FER: variants seen among roughly 807,000 people sequenced by gnomAD.
FER encodes the protein FER tyrosine kinase.
A neutral mutation model predicts 111.0 loss-of-function variants in FER; 63 were observed. That is an observed-to-expected ratio of 0.57 (90% CI 0.46 to 0.70). The LOEUF (loss-of-function observed/expected upper bound fraction) is 0.70, where lower values mean the gene tolerates loss of function less well. Ranked by LOEUF, FER falls within the 30% of genes least tolerant of loss-of-function variation. The probability of loss-of-function intolerance (pLI) is 0.00; values close to 1 mark genes in which losing one functional copy is unlikely to be tolerated. For synonymous variants in FER, 327 were observed against 313.9 expected (o/e 1.04, Z -0.44); for missense variants, 914 against 954.0 (o/e 0.96, Z 0.55).
intron 17 of FER, among the ~76,000 whole-genome samples, chr5:109,115,263 G>A (rs1249831658): frequency 1.3e-5 from 2 of 152,074 alleles, no homozygotes; most frequent in Non-Finnish European, 2.9e-5. Context: ...AACTATAGTA[G>A]TGATAGGAAA....
chr5:109,126,262 T>G (rs1751704309), intron 17 of FER, among the ~76,000 whole-genome samples: 1 of 152,204 alleles, frequency 6.6e-6, no homozygotes, highest in Non-Finnish European at 1.5e-5. Flanking sequence ...CCATTTTAAG[T>G]GCACACGGAG....
At chr5:109,000,226 T>C (rs942722302) in intron 13 of FER, among the ~76,000 whole-genome samples, 3 of 151,838 alleles carry the variant, frequency 2.0e-5, no homozygotes, top group Non-Finnish European at 4.4e-5. Flanking sequence ...TATATTAAAA[T>C]GTAAAACGTG....
intron 16 of FER, among the ~76,000 whole-genome samples, chr5:109,060,946 A>G (rs1774339270): frequency 6.6e-6 from 1 of 152,134 alleles, no homozygotes; most frequent in South Asian, 2.1e-4. Flanking sequence ...GCTATAATCC[A>G]GCCAGAACTT....
chr5:109,113,831 G>A (rs2126430331), intron 17 of FER, among the ~76,000 whole-genome samples: 1 of 152,078 alleles, frequency 6.6e-6, no homozygotes, highest in South Asian at 2.1e-4. Context: ...ATATTTAGTG[G>A]AAAAAGTAAA....
intron 13 of FER, among the ~76,000 whole-genome samples, chr5:109,024,472 CT>C (rs1768383448): frequency 1.3e-5 from 2 of 152,150 alleles, no homozygotes; most frequent in African/African-American, 4.8e-5. Context: ...TTCACTTCAA[CT>C]CACAGGCAGG....
chr5:109,017,354 A>G (rs1162305019), intron 13 of FER, among the ~76,000 whole-genome samples: 1 of 152,042 alleles, frequency 6.6e-6, no homozygotes, highest in Non-Finnish European at 1.5e-5. Context: ...ATTTTATTTC[A>G]TACATTACAA....
chr5:109,132,206 C>G (rs775180827), intron 17 of FER, among the ~76,000 whole-genome samples: 8 of 151,998 alleles, frequency 5.3e-5, no homozygotes, highest in Non-Finnish European at 1.0e-4. Context: ...AATAGGCAAC[C>G]GGTACTAAGC....
intron 9 of FER, 96 bp from the exon 10 acceptor site, chr5:108,897,562 TA>T (rs1749332258): frequency 2.2e-6 from 2 of 914,866 alleles, no homozygotes; most frequent in Non-Finnish European, 3.0e-6. Flanking sequence ...AGGGCTCTTA[TA>T]AAAATGAAAT....
chr5:108,867,794 G>GA lies in FER; in HGVS notation c.510dup (p.Tyr171IlefsTer31). On this transcript the variant is annotated frameshift_variant, in exon 6 of 20. Transcript: ENST00000281092. LOFTEE classifies it high-confidence loss of function. ...AAGGAAACTGAAAAGGCCAAGGAAC[G>GA]ATACGACAAAGCCACAATGAAACTT... 1 of 1,609,594 alleles carries GA rather than the reference G, an allele frequency of 6.2e-7. No individual in the cohort carries two copies. Among genetic ancestry groups the GA allele is most frequent in the Non-Finnish European group, 8.5e-7 (1 of 1,178,480 alleles).
intron 13 of FER, among the ~76,000 whole-genome samples, chr5:108,968,911 A>G (rs1252724796): frequency 6.6e-6 from 1 of 152,142 alleles, no homozygotes; most frequent in Non-Finnish European, 1.5e-5. Flanking sequence ...AGAAATACAA[A>G]TGATTTTAAA....
chr5:109,113,081 G>T (rs1018013828), intron 17 of FER, among the ~76,000 whole-genome samples: 4 of 151,758 alleles, frequency 2.6e-5, no homozygotes, highest in African/African-American at 7.3e-5. Flanking sequence ...TTTGAGAAAA[G>T]ATAAGAATAG....
intron 13 of FER, among the ~76,000 whole-genome samples, chr5:109,023,236 A>C (rs190843043): frequency 6.6e-6 from 1 of 152,272 alleles, no homozygotes; most frequent in East Asian, 1.9e-4. Context: ...AGGCAGGGAA[A>C]ATAATCAAGA....
chr5:109,069,313 C>T (rs1775496242), intron 16 of FER, among the ~76,000 whole-genome samples: 2 of 152,042 alleles, frequency 1.3e-5, no homozygotes, highest in African/African-American at 4.8e-5. Flanking sequence ...TTTGGCTAAG[C>T]AAAATCACAA....
intron 1 of FER, among the ~76,000 whole-genome samples, chr5:108,766,218 C>T (rs1338555899): frequency 6.6e-6 from 1 of 152,170 alleles, no homozygotes; most frequent in Non-Finnish European, 1.5e-5. Context: ...TGGCATGAGC[C>T]ACCTCATCTG....
intron 4 of FER, among the ~76,000 whole-genome samples, chr5:108,833,948 C>CT (rs1428044954): frequency 6.6e-6 from 1 of 151,282 alleles, no homozygotes; most frequent in Non-Finnish European, 1.5e-5. Context: ...TTATCGAATA[C>CT]TTTTTGTTGA....
chr5:108,908,913 C>G (rs2150353907), intron 10 of FER, among the ~76,000 whole-genome samples: 1 of 152,084 alleles, frequency 6.6e-6, no homozygotes, highest in African/African-American at 2.4e-5. Flanking sequence ...TGGCACGTGC[C>G]TGTAGTCCTC....
intron 17 of FER, among the ~76,000 whole-genome samples, chr5:109,157,715 G>T (rs1262636987): frequency 6.6e-6 from 1 of 152,010 alleles, no homozygotes; most frequent in Non-Finnish European, 1.5e-5. Flanking sequence ...TACCTACCCA[G>T]AACTTCTCTG....
At chr5:109,171,141 C>T (rs979678485) in intron 17 of FER, among the ~76,000 whole-genome samples, 7 of 152,140 alleles carry the variant, frequency 4.6e-5, no homozygotes, top group African/African-American at 1.4e-4. Context: ...AGTAGCTTTT[C>T]ATCATGTTGT....
intron 16 of FER, among the ~76,000 whole-genome samples, chr5:109,082,821 G>T (rs149630017): frequency 9.7e-4 from 147 of 151,972 alleles, no homozygotes; most frequent in Non-Finnish European, 7.7e-4. Context: ...GGAAATTTTA[G>T]TACCTCTAAA....
Sources: gnomAD v4.1 joint callset for allele counts (sites outside exome capture counted in the v4.1 genomes callset) on GRCh38, gnomAD v4.1.1 for gene constraint, MANE v1.5 for transcripts, NCBI Gene and HGNC (gene_info 2026-07-23, HGNC 2026-07-21) for gene names.